The following EYA3 variants were observed in gnomAD, a reference collection of about 807,000 sequenced individuals.
EYA3 encodes the protein EYA transcriptional coactivator and phosphatase 3.
Under a neutral mutation model 80.0 loss-of-function variants are expected in EYA3, and 39 were observed. The ratio of observed to expected loss-of-function variants is 0.49; its 90% CI spans 0.38 to 0.64. The LOEUF (loss-of-function observed/expected upper bound fraction) is 0.64, where lower values mean the gene tolerates loss of function less well. EYA3 is among the 30% of genes least tolerant of loss of function. The pLI, the probability that EYA3 is intolerant of heterozygous loss-of-function variation, is 0.00. For missense variants in EYA3, 523 were observed against 676.1 expected (o/e 0.77, Z 2.51); for synonymous variants, 206 against 232.8 (o/e 0.88, Z 1.05).
chr1:27,977,352 T>G (rs1279712001), intron 17 of EYA3: 2 of 1,550,552 alleles, frequency 1.3e-6, no homozygotes, highest in Admixed American at 3.9e-5. Context: ...TGGTTCTAGC[T>G]GGCAACCCAA....
At chr1:27,995,668 G>T (rs1490619769) in intron 13 of EYA3, among the ~76,000 whole-genome samples, 1 of 151,484 alleles carries the variant, frequency 6.6e-6, no homozygotes, top group Non-Finnish European at 1.5e-5. Context: ...GGAGGCCAGG[G>T]ACAGGGGTTA....
chr1:28,027,346 C>T (rs545035443), intron 7 of EYA3, among the ~76,000 whole-genome samples: 1 of 152,256 alleles, frequency 6.6e-6, no homozygotes, highest in African/African-American at 2.4e-5. Context: ...AAGAGAAATG[C>T]TCTCATCAAG....
intron 1 of EYA3, among the ~76,000 whole-genome samples, chr1:28,073,281 C>T (rs1352675257): frequency 4.9e-5 from 7 of 142,380 alleles, no homozygotes; most frequent in South Asian, 2.3e-4. Context: ...TACAGGCACG[C>T]ACTACCACAC....
chr1:28,007,833 A>T (rs887259844), intron 10 of EYA3, among the ~76,000 whole-genome samples: 29 of 152,196 alleles, frequency 1.9e-4, no homozygotes, highest in Non-Finnish European at 3.8e-4. Context: ...CAACCTACAA[A>T]TTCAACGCAA....
chr1:28,055,462 CTTTTTTTTTTTTTT>C (rs531586344), intron 2 of EYA3, among the ~76,000 whole-genome samples: 2 of 106,954 alleles, frequency 1.9e-5, no homozygotes, highest in African/African-American at 7.6e-5. Flanking sequence ...TAAAGAAAAT[CTTTTTTTTTTTTTT>C]TTTTTTTTGA....
chr1:28,028,004 A>G (rs1483932217), intron 6 of EYA3, 78 bp from the exon 7 acceptor site: 4 of 1,495,268 alleles, frequency 2.7e-6, no homozygotes, highest in Non-Finnish European at 3.7e-6. Flanking sequence ...AATATCAGCC[A>G]GTAGGTTTAA....
chr1:28,054,110 G>C (rs1487217741), intron 2 of EYA3, among the ~76,000 whole-genome samples: 1 of 152,190 alleles, frequency 6.6e-6, no homozygotes, highest in Non-Finnish European at 1.5e-5. Context: ...CCATATGCTA[G>C]AGGGGTAAAG....
At chr1:28,017,044 A>G (rs756397670) in intron 8 of EYA3, 110 bp downstream of exon 8, 2 of 868,934 alleles carry the variant, frequency 2.3e-6, no homozygotes, top group Non-Finnish European at 3.7e-6. Flanking sequence ...AAGTCTCCAC[A>G]GCCCATACTA....
At position 28,073,725 on chromosome 1, in the gene EYA3, C is replaced by T. The variant is rs569639962; in HGVS notation, c.-69+14799G>A. ...TGCTAGGATTACAGATGTGAGCCAC[C>T]GCACCTGGCCCTCTGTATCTCGATG... On this transcript the variant is annotated intron_variant, in intron 1 of 17. Coordinates refer to ENST00000373871, the MANE Select transcript of EYA3 (RefSeq NM_001990.4). Among the ~76,000 whole-genome samples, 8 of 152,166 alleles carry T rather than the reference C, an allele frequency of 5.3e-5. No individual in the cohort carries two copies. The South Asian group carries it at 1.2e-3, about 24-fold the overall frequency.
At chr1:27,993,716 A>G (rs12129891) in intron 13 of EYA3, among the ~76,000 whole-genome samples, 156 bp from the exon 14 acceptor site, 1,858 of 152,332 alleles carry the variant, frequency 0.012, 20 homozygotes, top group African/African-American at 0.027. Context: ...ATCTTTCATT[A>G]GTTCTCTATC....
At position 28,013,691 on chromosome 1, in the gene EYA3, T is replaced by G. The variant is rs1192884569; in HGVS notation, c.586-397A>C. ...AACTGTTGCACTAGATAATAGCACT[T>G]CTAAGGACAACAAAACAAAACTTAA... is the stretch of plus-strand genomic sequence containing the variant. On this transcript the variant is annotated intron_variant, in intron 8 of 17. Transcript: ENST00000373871. The surrounding 1 kb of genome is among the most constrained non-coding windows in gnomAD (Gnocchi z 4.0). Among the ~76,000 whole-genome samples, 2 of 152,198 alleles carry G rather than the reference T, an allele frequency of 1.3e-5. No homozygotes were observed. Among genetic ancestry groups the G allele is most frequent in the African/African-American group, 4.8e-5 (2 of 41,442 alleles).
chr1:28,037,730 T>G (rs72658313), intron 5 of EYA3, among the ~76,000 whole-genome samples: 3,772 of 152,318 alleles, frequency 0.025, 52 homozygotes, highest in Middle Eastern at 0.037. Context: ...GAAGAACTCA[T>G]TGGGTTGACT....
intron 4 of EYA3, 132 bp downstream of exon 4, chr1:28,042,439 C>G: frequency 4.2e-6 from 3 of 721,322 alleles, no homozygotes; most frequent in South Asian, 3.6e-5. Flanking sequence ...TAAACACACA[C>G]AAAAACAAGG....
intron 6 of EYA3, 39 bp downstream of exon 6, chr1:28,035,505 T>C: frequency 6.2e-7 from 1 of 1,600,090 alleles, no homozygotes; most frequent in Non-Finnish European, 8.5e-7. Flanking sequence ...CGGAATAAAA[T>C]CAACATTCTT....
chr1:27,984,447 C>T (rs1448161062), intron 16 of EYA3, among the ~76,000 whole-genome samples: 1 of 151,780 alleles, frequency 6.6e-6, no homozygotes, highest in East Asian at 1.9e-4. Context: ...ACCTTAAGAT[C>T]ACACAGATAC....
Position 28,004,312 on chromosome 1 carries a change from T to TA in EYA3, c.993+23dup, listed in dbSNP as rs751838103. 21 of 1,541,246 alleles carry TA rather than the reference T, an allele frequency of 1.4e-5. No homozygotes were observed. In the East Asian group the frequency reaches 4.3e-4, roughly 31 times the overall value. On this transcript the variant is annotated intron_variant, in intron 11 of 17. Transcript: ENST00000373871. ...ACTATATAGTCAGAAGAGGGACAGT[T>TA]ACAACAAAGAAGACTCAAATTACCT... is the stretch of plus-strand genomic sequence containing the variant.
rs1238660127 is a variant in EYA3 at position 28,009,576 on chromosome 1, G to A, written c.909+1371C>T. 6.6e-6 allele frequency among the ~76,000 whole-genome samples: 1 copy of A among 152,084 alleles called. No homozygotes were observed. The highest frequency in any genetic ancestry group is 1.5e-5 in the Non-Finnish European group (1 of 68,028). The stretch of plus-strand genomic sequence containing the variant: ...GAGGCAGGAGAATCACTTGAACCCG[G>A]GAGGCAGAGGTCACGGTAAGCCGAG... On this transcript the variant is annotated intron_variant, in intron 10 of 17. Coordinates refer to ENST00000373871, the MANE Select transcript of EYA3 (RefSeq NM_001990.4). This position sits in a 1 kb window ranked among gnomAD's most constrained non-coding sequence, Gnocchi z 4.8.
intron 1 of EYA3, among the ~76,000 whole-genome samples, chr1:28,065,776 G>A (rs1182624377): frequency 3.3e-5 from 5 of 150,970 alleles, no homozygotes; most frequent in South Asian, 2.1e-4. Context: ...AGGCCGAGGC[G>A]GGCGGATCAT....
intron 2 of EYA3, among the ~76,000 whole-genome samples, chr1:28,050,004 T>C (rs1237576036): frequency 6.6e-6 from 1 of 152,048 alleles, no homozygotes; most frequent in Non-Finnish European, 1.5e-5. Context: ...AAACAGTCTA[T>C]ACTCTTCAAA....
Sources: allele counts gnomAD v4.1 joint callset (sites outside exome capture counted in the v4.1 genomes callset), GRCh38; gene constraint gnomAD v4.1.1; non-coding constraint Gnocchi (gnomAD v3.1); transcripts MANE v1.5; gene names NCBI Gene and HGNC (gene_info 2026-07-23, HGNC 2026-07-21).